Variants in ATP1A2 observed in about 807,000 individuals in gnomAD.
The protein encoded by ATP1A2 is sodium/potassium-transporting ATPase subunit alpha-2.
A neutral mutation model predicts 113.1 loss-of-function variants in ATP1A2; 56 were observed. That is an observed-to-expected ratio of 0.49 (90% CI 0.40 to 0.62). The LOEUF is 0.62. Among genes scored for constraint, ATP1A2 ranks in the 20% least tolerant of loss-of-function variants. ATP1A2 has a pLI of 0.00. For missense variants in ATP1A2, 712 were observed against 1,357.8 expected (o/e 0.52, Z 7.47); for synonymous variants, 490 against 526.8 (o/e 0.93, Z 0.96).
chr1:160,139,165 C>T (rs1652053966), intron 20 of ATP1A2, among the ~76,000 whole-genome samples: 1 of 152,152 alleles, frequency 6.6e-6, no homozygotes, highest in South Asian at 2.1e-4. Context: ...TGCAGTGATC[C>T]CCTTTACATT....
rs922361757 is a variant in ATP1A2 at position 160,142,894 on chromosome 1, C to A, written c.*1572C>A. 6.6e-6 allele frequency: 1 copy of A among 152,186 alleles called. No individual in the cohort carries two copies. Among genetic ancestry groups the A allele is most frequent in the Non-Finnish European group, 1.5e-5 (1 of 68,048 alleles). The allele number at this position is 152,186 out of a possible 1,614,324, so 9.4% of individuals were successfully genotyped here. A position where few individuals can be genotyped will look rare whatever the true frequency, so the allele number is the denominator to read the frequency against. On this transcript the variant is annotated 3_prime_UTR_variant, in exon 23 of 23. Transcript: ENST00000361216. ...GCCCTTCAAACCGACGATCATTGTG[C>A]CCACTTACCCTGGGCTGGAGAGTTG...
At chr1:160,126,092 GT>G (rs919228500) in intron 7 of ATP1A2, among the ~76,000 whole-genome samples, 4 of 152,114 alleles carry the variant, frequency 2.6e-5, no homozygotes, top group Non-Finnish European at 4.4e-5. Flanking sequence ...TTTCTCTGTG[GT>G]TTTTTTCCCT....
rs377435696 is a variant in ATP1A2, at chr1:160,124,063, T to C, written c.495+7T>C. 12 of 1,613,794 alleles carry C rather than the reference T, an allele frequency of 7.4e-6. No individual in the cohort carries two copies. The highest frequency in any genetic ancestry group is 1.7e-4 in the Middle Eastern group (1 of 6,056). On this transcript the variant is annotated splice_region_variant and intron_variant, in intron 5 of 22. Transcript: ENST00000361216. ...CAAGAACATGGTACCTCAGGTAAGA[T>C]GGCAGGGCTGGGCTCTGGGCTAGGC...
rs1652183067 is a variant in ATP1A2 at position 160,142,497 on chromosome 1, G to A, written c.*1175G>A. 6.6e-6 allele frequency: 1 copy of A among 152,252 alleles called. No homozygotes were observed. Among genetic ancestry groups the A allele is most frequent in the African/African-American group, 2.4e-5 (1 of 41,448 alleles). 9.4% of individuals were successfully genotyped at this position (152,252 alleles called of 1,614,324 possible). A position where few individuals can be genotyped will look rare whatever the true frequency, so the allele number is the denominator to read the frequency against. The stretch of plus-strand genomic sequence containing the variant: ...GAACATGGTCAGAACCTTTGGACAA[G>A]AGGAAAAATACTAAGAGATTTGCTT... On this transcript the variant is annotated 3_prime_UTR_variant, in exon 23 of 23. Transcript: ENST00000361216.
At chr1:160,120,352 C>T (rs566683537) in intron 1 of ATP1A2, among the ~76,000 whole-genome samples, 1 of 152,282 alleles carries the variant, frequency 6.6e-6, no homozygotes, top group South Asian at 2.1e-4. Context: ...ATTCCACCAC[C>T]AGACCTGGCT....
At chr1:160,121,306 A>T (rs1413255247) in intron 3 of ATP1A2, 55 bp downstream of exon 3, 6 of 1,593,698 alleles carry the variant, frequency 3.8e-6, no homozygotes, top group Non-Finnish European at 5.2e-6. Context: ...ACCATGCAGC[A>T]TCAAGGTGGC....
chr1:160,133,327 G>A lies in ATP1A2; in HGVS notation c.1828-1157G>A, dbSNP rs1014018028. ...AGGCCCCTGTGGCCTTTGGGTGGCA[G>A]TTTCAGTGAAGTGGTGGGAGTGGAA... On this transcript the variant is annotated intron_variant, in intron 13 of 22. Coordinates refer to ENST00000361216, the MANE Select transcript of ATP1A2 (RefSeq NM_000702.4). 2.0e-5 allele frequency among the ~76,000 whole-genome samples: 3 copies of A among 152,148 alleles called. No homozygotes were observed. The East Asian group carries it at 5.8e-4, about 29-fold the overall frequency.
At chr1:160,120,511 C>A (rs545920953) in intron 1 of ATP1A2, among the ~76,000 whole-genome samples, 65 of 152,164 alleles carry the variant, frequency 4.3e-4, no homozygotes, top group Non-Finnish European at 6.6e-4. Context: ...CCCTCAACAA[C>A]CCCCCACAAA....
chr1:160,124,252 G>C (rs1651511159), intron 5 of ATP1A2, 44 bp from the exon 6 acceptor site: 1 of 1,566,918 alleles, frequency 6.4e-7, no homozygotes, highest in Admixed American at 1.9e-5. Context: ...AAGAAGGCAG[G>C]GGCAGAGACA....
intron 7 of ATP1A2, 151 bp from the exon 8 acceptor site, chr1:160,127,401 G>C: frequency 9.7e-7 from 1 of 1,031,226 alleles, no homozygotes; most frequent in Non-Finnish European, 1.4e-6. Flanking sequence ...GGAAAGGAAG[G>C]CCAAGTGGGG....
rs1347958675 is a variant in ATP1A2 at position 160,121,416 on chromosome 1, G to GC, written c.177+167dup. On this transcript the variant is annotated intron_variant, in intron 3 of 22. Coordinates refer to ENST00000361216, the MANE Select transcript of ATP1A2 (RefSeq NM_000702.4). ...GGACATGCAGCTAGTTGGTGGCACA[G>GC]CCAGAACTAGAATTTGGATCCCCTG... is the stretch of plus-strand genomic sequence containing the variant. 3 of 801,122 alleles carry GC rather than the reference G, an allele frequency of 3.7e-6. No homozygotes were observed. The African/African-American group carries it at 5.1e-5, about 14-fold the overall frequency. 49.6% of individuals were successfully genotyped at this position (801,122 alleles called of 1,614,324 possible). A position where few individuals can be genotyped will look rare whatever the true frequency, so the allele number is the denominator to read the frequency against.
intron 8 of ATP1A2, chr1:160,128,370 T>C: frequency 1.3e-6 from 1 of 786,148 alleles, no homozygotes; most frequent in South Asian, 1.4e-5. Flanking sequence ...CAGTGTCCCT[T>C]CTGTGTTGAT....
Position 160,136,558 on chromosome 1 carries a change from C to T in ATP1A2, c.2564-12C>T, listed in dbSNP as rs1367972222. ...TCTGACCCTGCCCCTGCCTTTGGCC[C>T]TCTACCCACAGGGATGATCCAGGCA... On this transcript the variant is annotated splice_polypyrimidine_tract_variant and intron_variant, in intron 18 of 22. Coordinates refer to ENST00000361216, the MANE Select transcript of ATP1A2 (RefSeq NM_000702.4). 3 of 1,614,242 alleles carry T rather than the reference C, an allele frequency of 1.9e-6. No homozygotes were observed. The highest frequency in any genetic ancestry group is 1.3e-5 in the African/African-American group (1 of 75,060).
intron 20 of ATP1A2, among the ~76,000 whole-genome samples, chr1:160,137,995 G>A (rs960166932): frequency 7.2e-5 from 11 of 152,332 alleles, no homozygotes; most frequent in African/African-American, 2.6e-4. Flanking sequence ...AAGGAGCAGA[G>A]AGTCTAAGAA....
chr1:160,129,661 C>G (rs560942898), intron 11 of ATP1A2, among the ~76,000 whole-genome samples: 1 of 152,190 alleles, frequency 6.6e-6, no homozygotes, highest in African/African-American at 2.4e-5. Context: ...TCTGGCCTAG[C>G]CTTCCAACTC....
At chr1:160,140,942 A>G (rs1005470789) in intron 22 of ATP1A2, among the ~76,000 whole-genome samples, 1 of 141,910 alleles carries the variant, frequency 7.0e-6, no homozygotes, top group African/African-American at 2.6e-5. Flanking sequence ...GGCTCACTGC[A>G]AGCTCCGCCT....
At chr1:160,134,823 A>T (rs1441616045) in intron 14 of ATP1A2, among the ~76,000 whole-genome samples, 1 of 152,190 alleles carries the variant, frequency 6.6e-6, no homozygotes, top group Non-Finnish European at 1.5e-5. Context: ...GAGATGTCAC[A>T]TTCCCTTCCT....
At position 160,121,392 on chromosome 1, in the gene ATP1A2, G is replaced by A; in HGVS notation, c.177+141G>A. On this transcript the variant is annotated intron_variant, in intron 3 of 22. Transcript: ENST00000361216. ...GCCCAGAAACAAGGACTGGCCCAAG[G>A]ACATGCAGCTAGTTGGTGGCACAGC... 6 of 983,908 alleles carry A rather than the reference G, an allele frequency of 6.1e-6. No homozygotes were observed. In the South Asian group the frequency reaches 7.9e-5, roughly 13 times the overall value. The allele number at this position is 983,908 out of a possible 1,614,324, so 60.9% of individuals were successfully genotyped here. A position where few individuals can be genotyped will look rare whatever the true frequency, so the allele number is the denominator to read the frequency against.
At position 160,124,054 on chromosome 1, in the gene ATP1A2, C is replaced by T; in HGVS notation, c.493C>T (p.Gln165Ter). ...IMDSFKNMVPQQALVIREGEK... is the reference protein window; with the variant it reads ...IMDSFKNMVP ...GGATTCCTTCAAGAACATGGTACCTCAGGTAAGATGGCAGGGCTGGGCTCT... is the reference window on the plus strand; with the variant it reads ...GGATTCCTTCAAGAACATGGTACCTTAGGTAAGATGGCAGGGCTGGGCTCT... Residue 165 changes from glutamine to a stop codon, truncating the protein, a stop_gained and splice_region_variant, in exon 5 of 23, where the codon CAG (glutamine) becomes TAG (stop). Coordinates refer to ENST00000361216, the MANE Select transcript of ATP1A2 (RefSeq NM_000702.4). LOFTEE classifies it high-confidence loss of function. 1.9e-6 allele frequency: 3 copies of T among 1,614,092 alleles called. No individual in the cohort carries two copies. In the South Asian group the frequency reaches 3.3e-5, roughly 18 times the overall value.
Sources: gnomAD v4.1 joint callset for allele counts (sites outside exome capture counted in the v4.1 genomes callset) on GRCh38, gnomAD v4.1.1 for gene constraint, MANE v1.5 for transcripts, NCBI Gene and HGNC (gene_info 2026-07-23, HGNC 2026-07-21) for gene names.